Variants in HMBOX1 observed in about 807,000 individuals in gnomAD.
HMBOX1 encodes the protein homeobox-containing protein 1.
In HMBOX1, 14 loss-of-function variants were observed where a neutral mutation model predicts 54.5. The observed-to-expected ratio is 0.26, with a 90% CI of 0.17 to 0.40. The LOEUF (loss-of-function observed/expected upper bound fraction) is 0.40. Among genes scored for constraint, HMBOX1 ranks in the 10% least tolerant of loss-of-function variants. HMBOX1 has a pLI of 1.00. For synonymous variants in HMBOX1, 160 were observed against 181.0 expected (o/e 0.88, Z 0.93); for missense variants, 332 against 514.4 (o/e 0.65, Z 3.43).
chr8:28,937,466 GTTC>G (rs1563424347), intron 1 of HMBOX1, among the ~76,000 whole-genome samples: 2 of 151,954 alleles, frequency 1.3e-5, no homozygotes, highest in African/African-American at 4.8e-5. Context: ...TGAAATTTTT[GTTC>G]TTCCATTAAA....
intron 1 of HMBOX1, among the ~76,000 whole-genome samples, chr8:28,956,319 GT>G (rs574684316): frequency 2.7e-5 from 4 of 148,200 alleles, no homozygotes; most frequent in Admixed American, 6.7e-5. Context: ...AACTGCTTAA[GT>G]TTTTTTTTTC....
chr8:28,953,687 T>C (rs192686488), intron 1 of HMBOX1, among the ~76,000 whole-genome samples: 7 of 152,304 alleles, frequency 4.6e-5, no homozygotes, highest in Admixed American at 4.6e-4. Context: ...TGTATTAAAA[T>C]GATGAGATAC....
intron 1 of HMBOX1, among the ~76,000 whole-genome samples, chr8:28,939,651 AG>A (rs1246925416): frequency 6.6e-6 from 1 of 151,442 alleles, no homozygotes; most frequent in Non-Finnish European, 1.5e-5. Context: ...CTGGGACTAC[AG>A]GCACCCACCA....
chr8:28,897,203 T>G (rs1812307787), intron 1 of HMBOX1, among the ~76,000 whole-genome samples: 1 of 151,980 alleles, frequency 6.6e-6, no homozygotes, highest in Admixed American at 6.5e-5. Flanking sequence ...CATGCTGGTC[T>G]CGAATCCCCC....
intron 1 of HMBOX1, among the ~76,000 whole-genome samples, chr8:28,917,066 CAAAAA>C (rs35179018): frequency 8.5e-5 from 6 of 70,982 alleles, no homozygotes; most frequent in African/African-American, 5.4e-5. Flanking sequence ...GACCCTGTCT[CAAAAA>C]AAAAAAAAAA....
chr8:29,038,449 C>T (rs1804271504), intron 6 of HMBOX1, among the ~76,000 whole-genome samples: 1 of 152,122 alleles, frequency 6.6e-6, no homozygotes, highest in South Asian at 2.1e-4. Context: ...GGGCTATATA[C>T]ATTTTATATG....
At chr8:28,997,536 G>T (rs1424876510) in intron 4 of HMBOX1, among the ~76,000 whole-genome samples, 1 of 152,026 alleles carries the variant, frequency 6.6e-6, no homozygotes, top group Non-Finnish European at 1.5e-5. Flanking sequence ...ATCTGCATAT[G>T]TAAGGGACGT....
At chr8:29,025,209 T>G (rs1474928110) in intron 6 of HMBOX1, among the ~76,000 whole-genome samples, 2 of 152,162 alleles carry the variant, frequency 1.3e-5, no homozygotes, top group East Asian at 3.9e-4. Context: ...TAGTCACACA[T>G]TGAATGACAA....
chr8:28,970,001 TACTGTCAATAAAGAG>T lies in HMBOX1; in HGVS notation c.24-38_24-24del. The T allele has an allele frequency of 8.3e-7, 1 of 1,200,148 alleles. No homozygotes were observed. The highest frequency in any genetic ancestry group is 1.2e-6 in the Non-Finnish European group (1 of 826,004). 74.3% of individuals were successfully genotyped at this position (1,200,148 alleles called of 1,614,324 possible). ...TCTGTATAATATGTGCTTTGGTAGA[TACTGTCAATAAAGAG>T]ACTTCTTTTTATCTCTTTTTTTTTA... On this transcript the variant is annotated intron_variant, in intron 2 of 9. Coordinates refer to ENST00000287701, the MANE Select transcript of HMBOX1 (RefSeq NM_001135726.3). The surrounding 1 kb of genome is among the most constrained non-coding windows in gnomAD (Gnocchi z 4.3).
chr8:28,995,044 AC>A (rs1161038156), intron 4 of HMBOX1, among the ~76,000 whole-genome samples: 2 of 152,204 alleles, frequency 1.3e-5, no homozygotes, highest in Non-Finnish European at 2.9e-5. Context: ...CATAGCTAGA[AC>A]CTTAAAACAC....
chr8:29,039,303 CA>C (rs1242128866), intron 6 of HMBOX1, among the ~76,000 whole-genome samples: 1 of 152,104 alleles, frequency 6.6e-6, no homozygotes, highest in Non-Finnish European at 1.5e-5. Context: ...TATTCAAAAT[CA>C]AAGTTATTAG....
At chr8:29,040,111 A>G (rs1207742984) in intron 6 of HMBOX1, among the ~76,000 whole-genome samples, 6 of 152,218 alleles carry the variant, frequency 3.9e-5, no homozygotes, top group Non-Finnish European at 8.8e-5. Flanking sequence ...AGATCAGCCC[A>G]GTCCACAGAG....
intron 1 of HMBOX1, among the ~76,000 whole-genome samples, chr8:28,916,384 A>G (rs977491453): frequency 6.6e-6 from 1 of 152,204 alleles, no homozygotes; most frequent in Non-Finnish European, 1.5e-5. Context: ...CACAAATCCT[A>G]TGCTATTCAC....
intron 1 of HMBOX1, among the ~76,000 whole-genome samples, chr8:28,960,515 T>G (rs1296578563): frequency 6.6e-6 from 1 of 151,924 alleles, no homozygotes; most frequent in Non-Finnish European, 1.5e-5. Context: ...CTTTTTATCT[T>G]TAAAATTATG....
intron 1 of HMBOX1, among the ~76,000 whole-genome samples, chr8:28,939,066 G>A (rs1820893475): frequency 3.3e-5 from 5 of 152,008 alleles, no homozygotes. Context: ...GAGGTGGGCG[G>A]ATCACCTGAG....
intron 1 of HMBOX1, among the ~76,000 whole-genome samples, chr8:28,956,417 A>G (rs946823911): frequency 3.4e-4 from 52 of 151,900 alleles, no homozygotes; most frequent in Non-Finnish European, 2.2e-4. Context: ...GTCATCTTCT[A>G]AATTTTGTTG....
At chr8:28,929,927 C>T (rs1389386719) in intron 1 of HMBOX1, among the ~76,000 whole-genome samples, 5 of 138,584 alleles carry the variant, frequency 3.6e-5, no homozygotes, top group Non-Finnish European at 7.8e-5. Flanking sequence ...TAACACCCCG[C>T]CCCCCGCCCG....
intron 1 of HMBOX1, among the ~76,000 whole-genome samples, chr8:28,937,978 T>G (rs1419929982): frequency 6.6e-6 from 1 of 152,162 alleles, no homozygotes; most frequent in African/African-American, 2.4e-5. Flanking sequence ...CATTTTCTCT[T>G]TTTGATTGCC....
intron 6 of HMBOX1, among the ~76,000 whole-genome samples, chr8:29,027,078 A>T (rs898716434): frequency 1.3e-5 from 2 of 152,202 alleles, no homozygotes; most frequent in Non-Finnish European, 2.9e-5. Flanking sequence ...TAATTGACTA[A>T]TATTTATTCT....
Sources: allele counts gnomAD v4.1 joint callset (sites outside exome capture counted in the v4.1 genomes callset), GRCh38; gene constraint gnomAD v4.1.1; non-coding constraint Gnocchi (gnomAD v3.1); transcripts MANE v1.5; gene names NCBI Gene and HGNC (gene_info 2026-07-23, HGNC 2026-07-21).